SH3PXD2A: variants seen among roughly 807,000 people sequenced by gnomAD.
The protein encoded by SH3PXD2A is SH3 and PX domain-containing protein 2A.
SH3PXD2A carries 32 observed loss-of-function variants against 115.2 expected under a neutral mutation model. That is an observed-to-expected ratio of 0.28 (90% CI 0.21 to 0.37). The LOEUF (loss-of-function observed/expected upper bound fraction) is 0.37. Ranked by LOEUF, SH3PXD2A falls within the 10% of genes least tolerant of loss-of-function variation. SH3PXD2A has a pLI of 1.00. For missense variants in SH3PXD2A, 1,328 were observed against 1,498.7 expected (o/e 0.89, Z 1.88); for synonymous variants, 610 against 629.1 (o/e 0.97, Z 0.45).
At chr10:103,603,827 G>T (rs1466015369) in intron 14 of SH3PXD2A, 38 bp from the exon 15 acceptor site, 1 of 1,551,564 alleles carries the variant, frequency 6.4e-7, no homozygotes, top group South Asian at 1.2e-5. Context: ...GAGTTGGGAG[G>T]ATCTGGAACC....
At chr10:103,692,481 C>T (rs1467022934) in intron 6 of SH3PXD2A, among the ~76,000 whole-genome samples, 1 of 152,220 alleles carries the variant, frequency 6.6e-6, no homozygotes, top group Non-Finnish European at 1.5e-5. Context: ...AGGACACGCT[C>T]AGAGTTGGGG....
At chr10:103,685,337 CAAAAA>C (rs775424414) in intron 6 of SH3PXD2A, among the ~76,000 whole-genome samples, 1 of 56,390 alleles carries the variant, frequency 1.8e-5, no homozygotes, top group Admixed American at 2.2e-4. Context: ...AACTCTGTCT[CAAAAA>C]AAAAAAAAAA....
In SH3PXD2A at chr10:103,599,603, T is replaced by G. The variant is rs932776261; in HGVS notation, c.*2213A>C. On this transcript the variant is annotated 3_prime_UTR_variant, in exon 15 of 15. Transcript: ENST00000369774. ...GTGCTGTTTAAAAATGAGAAAAGTA[T>G]ATACTGCATCTTTAAGTAATGCACT... 7 of 152,652 alleles carry G rather than the reference T, an allele frequency of 4.6e-5. No individual in the cohort carries two copies. The highest frequency in any genetic ancestry group is 1.7e-4 in the African/African-American group (7 of 41,470). The allele number at this position is 152,652 out of a possible 1,614,324, so 9.5% of individuals were successfully genotyped here.
intron 6 of SH3PXD2A, among the ~76,000 whole-genome samples, chr10:103,676,027 G>A (rs1386804568): frequency 2.0e-5 from 3 of 151,676 alleles, no homozygotes; most frequent in Non-Finnish European, 4.4e-5. Flanking sequence ...CAACAAGAGC[G>A]AAACTCCGTC....
chr10:103,816,981 C>T (rs375862910), intron 1 of SH3PXD2A, among the ~76,000 whole-genome samples: 1 of 149,274 alleles, frequency 6.7e-6, no homozygotes, highest in Admixed American at 6.7e-5. Flanking sequence ...CAGGTGTGTG[C>T]CAACACACCC....
intron 1 of SH3PXD2A, among the ~76,000 whole-genome samples, chr10:103,832,409 C>T (rs1271233223): frequency 6.6e-6 from 1 of 150,766 alleles, no homozygotes; most frequent in Non-Finnish European, 1.5e-5. Flanking sequence ...GTTCAACCAG[C>T]TGATCTGGAG....
At chr10:103,796,020 A>G (rs2039084847) in intron 2 of SH3PXD2A, among the ~76,000 whole-genome samples, 1 of 151,914 alleles carries the variant, frequency 6.6e-6, no homozygotes, top group South Asian at 2.1e-4. Flanking sequence ...CCCAAACTAG[A>G]GTGTGGGTGT....
At chr10:103,751,889 C>G (rs11592714) in intron 3 of SH3PXD2A, among the ~76,000 whole-genome samples, 4 of 152,162 alleles carry the variant, frequency 2.6e-5, no homozygotes, top group Non-Finnish European at 1.5e-5. Context: ...TCCAGGCCCT[C>G]GTGATCTGTG....
At position 103,813,301 on chromosome 10, in the gene SH3PXD2A, A is replaced by G. The variant is rs575861139; in HGVS notation, c.73-11939T>C. Among the ~76,000 whole-genome samples, 4 of 152,216 alleles carry G rather than the reference A, an allele frequency of 2.6e-5. No individual in the cohort carries two copies. In the South Asian group the frequency reaches 8.3e-4, roughly 32 times the overall value. On this transcript the variant is annotated intron_variant, in intron 1 of 14. Transcript: ENST00000369774. Reference sequence around the variant, plus strand: ...AGAAATGGGAACAGTTTTGCTTTCTACTTTATAGATTTCTTTTTTTCTTTT... The same window carrying G: ...AGAAATGGGAACAGTTTTGCTTTCTGCTTTATAGATTTCTTTTTTTCTTTT...
chr10:103,706,686 C>T (rs1274451955), intron 5 of SH3PXD2A, among the ~76,000 whole-genome samples: 3 of 152,270 alleles, frequency 2.0e-5, no homozygotes, highest in South Asian at 2.1e-4. Flanking sequence ...TCAGGGCTGC[C>T]GGATGGTCTC....
rs2036101770 is a variant in SH3PXD2A at position 103,594,126 on chromosome 10, A to G, written c.*7690T>C. The G allele has an allele frequency of 6.6e-6, 1 of 152,658 alleles. No individual in the cohort carries two copies. The highest frequency in any genetic ancestry group is 1.5e-5 in the Non-Finnish European group (1 of 68,052). The allele number at this position is 152,658 out of a possible 1,614,324, so 9.5% of individuals were successfully genotyped here. ...CAAAACCCAAATCTTACAGTCTAGA[A>G]GCATGCCAAGACAGAGCATTTTCTG... is the stretch of plus-strand genomic sequence containing the variant. On this transcript the variant is annotated 3_prime_UTR_variant, in exon 15 of 15. Transcript: ENST00000369774.
intron 4 of SH3PXD2A, among the ~76,000 whole-genome samples, chr10:103,729,258 T>C (rs981687438): frequency 2.0e-4 from 31 of 152,210 alleles, no homozygotes; most frequent in African/African-American, 6.5e-4. Context: ...ATCCACTCCC[T>C]CCTGCCTCTA....
At chr10:103,752,597 G>A (rs552510468) in intron 3 of SH3PXD2A, among the ~76,000 whole-genome samples, 80 of 152,306 alleles carry the variant, frequency 5.3e-4, no homozygotes, top group African/African-American at 1.9e-3. Flanking sequence ...CAGGCCCAGA[G>A]TTCCTCCCTC....
intron 1 of SH3PXD2A, among the ~76,000 whole-genome samples, chr10:103,850,125 A>G (rs1842883487): frequency 6.6e-6 from 1 of 152,200 alleles, no homozygotes; most frequent in South Asian, 2.1e-4. Flanking sequence ...CAGTTAACTC[A>G]TGCTGGCCCC....
intron 10 of SH3PXD2A, among the ~76,000 whole-genome samples, chr10:103,621,740 G>C (rs2036607026): frequency 6.6e-6 from 1 of 152,158 alleles, no homozygotes; most frequent in Admixed American, 6.5e-5. Flanking sequence ...TACCTCCCAG[G>C]TTCCTGGATG....
At chr10:103,774,867 T>TGAA (rs2038863060) in intron 2 of SH3PXD2A, among the ~76,000 whole-genome samples, 1 of 152,254 alleles carries the variant, frequency 6.6e-6, no homozygotes, top group African/African-American at 2.4e-5. Flanking sequence ...GAGTTTACAG[T>TGAA]AGGCCTTACT....
At chr10:103,668,775 A>G in intron 6 of SH3PXD2A, 123 bp from the exon 7 acceptor site, 1 of 833,722 alleles carries the variant, frequency 1.2e-6, no homozygotes, top group South Asian at 1.5e-5. Flanking sequence ...CGCGGGCGGA[A>G]GGCGGAGGAG....
chr10:103,611,914 A>G (rs1306745388), intron 12 of SH3PXD2A, among the ~76,000 whole-genome samples: 1 of 152,210 alleles, frequency 6.6e-6, no homozygotes, highest in Non-Finnish European at 1.5e-5. Flanking sequence ...TTTTCAGGGT[A>G]ACGGGTGTAT....
In SH3PXD2A at chr10:103,746,494, T is replaced by A. The variant is rs2134199084; in HGVS notation, c.230-10686A>T. Among the ~76,000 whole-genome samples the A allele has an allele frequency of 6.6e-6, 1 of 152,236 alleles. No homozygotes were observed. Among genetic ancestry groups the A allele is most frequent in the Non-Finnish European group, 1.5e-5 (1 of 67,998 alleles). The stretch of plus-strand genomic sequence containing the variant: ...GCCACCACACCAGGCTAATTTTTTG[T>A]ATTTTTTTGTAGAAACTGGGTTTCA... On this transcript the variant is annotated intron_variant, in intron 3 of 14. Coordinates refer to ENST00000369774, the MANE Select transcript of SH3PXD2A (RefSeq NM_001394015.1). This position sits in a 1 kb window ranked among gnomAD's most constrained non-coding sequence, Gnocchi z 4.4.
Sources: gnomAD v4.1 joint callset for allele counts (sites outside exome capture counted in the v4.1 genomes callset) on GRCh38, gnomAD v4.1.1 for gene constraint, Gnocchi (gnomAD v3.1) non-coding constraint, MANE v1.5 for transcripts, NCBI Gene and HGNC (gene_info 2026-07-23, HGNC 2026-07-21) for gene names.